Variants in NEGR1 observed in about 807,000 individuals in gnomAD.
NEGR1 encodes IgLON family member 4.
NEGR1 carries 10 observed loss-of-function variants against 40.9 expected under a neutral mutation model. That is an observed-to-expected ratio of 0.24 (90% CI 0.15 to 0.42). The LOEUF is 0.42. Ranked by LOEUF, NEGR1 falls within the 10% of genes least tolerant of loss-of-function variation. The pLI is 1.00. For missense variants in NEGR1, 352 were observed against 438.9 expected (o/e 0.80, Z 1.77); for synonymous variants, 185 against 166.8 (o/e 1.11, Z -0.84).
intron 2 of NEGR1, among the ~76,000 whole-genome samples, chr1:71,897,267 A>G (rs1234842181): frequency 1.3e-5 from 2 of 152,150 alleles, no homozygotes; most frequent in African/African-American, 2.4e-5. Context: ...CGACATGAAT[A>G]TCTTGTAAAG....
intron 6 of NEGR1, among the ~76,000 whole-genome samples, chr1:71,550,763 T>C (rs1648049887): frequency 1.3e-5 from 2 of 151,558 alleles, no homozygotes; most frequent in East Asian, 3.9e-4. Flanking sequence ...TGTAGGAAAA[T>C]CTACCCATAG....
intron 3 of NEGR1, among the ~76,000 whole-genome samples, chr1:71,756,886 C>T (rs1440158128): frequency 6.6e-6 from 1 of 150,690 alleles, no homozygotes; most frequent in Non-Finnish European, 1.5e-5. Flanking sequence ...GTGAAAAAAA[C>T]CCTCAAAAAC....
chr1:72,246,524 T>G (rs1654908257), intron 1 of NEGR1, among the ~76,000 whole-genome samples: 1 of 152,258 alleles, frequency 6.6e-6, no homozygotes, highest in Non-Finnish European at 1.5e-5. Flanking sequence ...TTTTCTTCTC[T>G]GTAAACTTTG....
chr1:71,652,224 A>G (rs909244187), intron 4 of NEGR1, among the ~76,000 whole-genome samples: 1 of 152,198 alleles, frequency 6.6e-6, no homozygotes, highest in East Asian at 1.9e-4. Context: ...AAAAAGCTGC[A>G]TTACTTCTCA....
At position 72,106,841 on chromosome 1, in the gene NEGR1, C is replaced by G. The variant is rs1381078339; in HGVS notation, c.177-171530G>C. Among the ~76,000 whole-genome samples, 3 of 151,826 alleles carry G rather than the reference C, an allele frequency of 2.0e-5. No homozygotes were observed. In the East Asian group the frequency reaches 5.8e-4, roughly 29 times the overall value. On this transcript the variant is annotated intron_variant, in intron 1 of 6. Transcript: ENST00000357731. ...AAAATTTTCAGTGTTCCCTCTATAT[C>G]AAAGACAAAACGTCATTTAAATATA...
intron 6 of NEGR1, among the ~76,000 whole-genome samples, chr1:71,513,764 C>A (rs928530113): frequency 5.9e-5 from 9 of 152,004 alleles, no homozygotes; most frequent in Non-Finnish European, 1.3e-4. Context: ...CAGCTCCCAG[C>A]GTGAGCGACG....
At chr1:71,481,133 T>C (rs1646851344) in intron 6 of NEGR1, among the ~76,000 whole-genome samples, 1 of 151,966 alleles carries the variant, frequency 6.6e-6, no homozygotes, top group South Asian at 2.1e-4. Context: ...ATGTATCTCT[T>C]GCTTGAGGTC....
chr1:72,085,993 G>C (rs1648206054), intron 1 of NEGR1, among the ~76,000 whole-genome samples: 1 of 143,330 alleles, frequency 7.0e-6, no homozygotes, highest in Non-Finnish European at 1.5e-5. Context: ...AAAAAAAAGA[G>C]TGATTCCCAG....
At chr1:71,849,541 T>C (rs2101811024) in intron 2 of NEGR1, among the ~76,000 whole-genome samples, 2 of 152,310 alleles carry the variant, frequency 1.3e-5, no homozygotes, top group Middle Eastern at 3.4e-3. Context: ...GAGTACTACA[T>C]AAATTTATTT....
At chr1:72,148,374 C>T (rs866308754) in intron 1 of NEGR1, among the ~76,000 whole-genome samples, 23 of 152,096 alleles carry the variant, frequency 1.5e-4, no homozygotes, top group Middle Eastern at 3.4e-3. Context: ...AGTGATGGCT[C>T]GAGTGGCTGG....
At chr1:71,460,900 G>C (rs1338609130) in intron 6 of NEGR1, among the ~76,000 whole-genome samples, 1 of 151,798 alleles carries the variant, frequency 6.6e-6, no homozygotes, top group South Asian at 2.1e-4. Flanking sequence ...AAGTGGAAGG[G>C]TTTTTGTTTT....
intron 6 of NEGR1, chr1:71,468,730 G>A (rs1322012818): frequency 6.6e-6 from 1 of 151,970 alleles, no homozygotes; most frequent in African/African-American, 2.4e-5. Context: ...GTATTAGTAA[G>A]TAAATGCAAT....
intron 2 of NEGR1, among the ~76,000 whole-genome samples, chr1:71,799,718 C>T (rs577602362): frequency 6.8e-6 from 1 of 146,748 alleles, no homozygotes; most frequent in East Asian, 2.0e-4. Flanking sequence ...TGTCTCCTGA[C>T]TTTTTTTTTT....
chr1:71,444,272 G>T (rs1353300038), intron 6 of NEGR1, among the ~76,000 whole-genome samples: 1 of 152,068 alleles, frequency 6.6e-6, no homozygotes, highest in Non-Finnish European at 1.5e-5. Flanking sequence ...ATTTTAAAAG[G>T]TTCTGCTCTG....
intron 1 of NEGR1, among the ~76,000 whole-genome samples, chr1:72,023,719 T>C (rs1646780890): frequency 6.6e-6 from 1 of 151,332 alleles, no homozygotes; most frequent in Admixed American, 6.6e-5. Flanking sequence ...AGTTGAGCTA[T>C]GTAAAGGCTT....
intron 1 of NEGR1, among the ~76,000 whole-genome samples, chr1:72,171,181 T>C (rs1570075023): frequency 6.6e-6 from 1 of 152,192 alleles, no homozygotes; most frequent in Non-Finnish European, 1.5e-5. Flanking sequence ...TCTGAGCTAA[T>C]TTGATGTGGA....
intron 2 of NEGR1, among the ~76,000 whole-genome samples, chr1:71,850,178 T>A (rs1659558409): frequency 1.3e-5 from 2 of 151,906 alleles, no homozygotes. Flanking sequence ...TGTTTTGAGA[T>A]GAGTTTTTGC....
At chr1:72,093,829 G>A (rs577802435) in intron 1 of NEGR1, among the ~76,000 whole-genome samples, 2 of 152,278 alleles carry the variant, frequency 1.3e-5, no homozygotes, top group East Asian at 3.9e-4. Context: ...GAAAAGGTTA[G>A]TTAATTAGTA....
In NEGR1 at chr1:71,755,284, C is replaced by A. The variant is rs1655694442; in HGVS notation, c.535+20888G>T. On this transcript the variant is annotated intron_variant, in intron 3 of 6. Coordinates refer to ENST00000357731, the MANE Select transcript of NEGR1 (RefSeq NM_173808.3). ...CCCGAGTCCTCTTCACCTCCACTGTCATTACCCTCAAGTCAACCTCTCAGC... is the reference window on the plus strand; with the variant it reads ...CCCGAGTCCTCTTCACCTCCACTGTAATTACCCTCAAGTCAACCTCTCAGC... 2.0e-5 allele frequency among the ~76,000 whole-genome samples: 3 copies of A among 152,168 alleles called. No individual in the cohort carries two copies. In the South Asian group the frequency reaches 6.2e-4, roughly 32 times the overall value.
Sources: gnomAD v4.1 joint callset for allele counts (sites outside exome capture counted in the v4.1 genomes callset) on GRCh38, gnomAD v4.1.1 for gene constraint, MANE v1.5 for transcripts, NCBI Gene and HGNC (gene_info 2026-07-23, HGNC 2026-07-21) for gene names.